Variants in SLC4A1AP observed in about 807,000 individuals in gnomAD.
The protein encoded by SLC4A1AP is solute carrier family 4 member 1 adaptor protein, also known as kanadaptin.
Under a neutral mutation model 89.7 loss-of-function variants are expected in SLC4A1AP, and 64 were observed. The ratio of observed to expected loss-of-function variants is 0.71; its 90% CI spans 0.58 to 0.88. SLC4A1AP has a LOEUF of 0.88. SLC4A1AP is among the 40% of genes least tolerant of loss of function. SLC4A1AP has a pLI of 0.00. For synonymous variants in SLC4A1AP, 366 were observed against 353.3 expected (o/e 1.04, Z -0.40); for missense variants, 931 against 965.0 (o/e 0.96, Z 0.47).
rs908167889 is a variant in SLC4A1AP at position 27,664,928 on chromosome 2, G to C, written c.826-172G>C. 4.6e-5 allele frequency among the ~76,000 whole-genome samples: 7 copies of C among 151,752 alleles called. No individual in the cohort carries two copies. The South Asian group carries it at 8.3e-4, about 18-fold the overall frequency. ...TAAAAAAAAAAAAAAAAATTAGCCAGGCATCATGGTCCCAGCTGCTCAGGA... is the reference window on the plus strand; with the variant it reads ...TAAAAAAAAAAAAAAAAATTAGCCACGCATCATGGTCCCAGCTGCTCAGGA... On this transcript the variant is annotated intron_variant, in intron 1 of 13. Coordinates refer to ENST00000613058, the Ensembl canonical transcript of SLC4A1AP.
chr2:27,664,287 G>C, exon 1 of SLC4A1AP: 3 of 1,614,208 alleles, frequency 1.9e-6, no homozygotes, highest in Non-Finnish European at 2.5e-6. Flanking sequence ...CACTATCCTT[G>C]GCACCCGTAG....
chr2:27,680,208 TTAA>T (rs1374010252), intron 8 of SLC4A1AP, among the ~76,000 whole-genome samples: 1 of 152,128 alleles, frequency 6.6e-6, no homozygotes, highest in Non-Finnish European at 1.5e-5. Context: ...TCGTTAAAAA[TTAA>T]TAATATTGAT....
intron 1 of SLC4A1AP, 82 bp downstream of exon 1, chr2:27,664,659 G>C: frequency 6.0e-5 from 64 of 1,059,766 alleles, no homozygotes; most frequent in Non-Finnish European, 7.8e-5. Flanking sequence ...TGAGGAAGAA[G>C]AATCTCCCAC....
At chr2:27,669,133 A>T in intron 4 of SLC4A1AP, 115 bp from the exon 5 acceptor site, 1 of 1,180,828 alleles carries the variant, frequency 8.5e-7, no homozygotes, top group South Asian at 1.5e-5. Context: ...AACAAGATGG[A>T]TTCAAAGACT....
intron 5 of SLC4A1AP, 132 bp from the exon 6 acceptor site, chr2:27,675,400 G>A (rs753391825): frequency 2.5e-5 from 13 of 530,332 alleles, no homozygotes; most frequent in African/African-American, 3.9e-5. Context: ...GTTTTTATAC[G>A]TAGTTTGGCA....
At chr2:27,669,966 C>T (rs1012146315) in intron 5 of SLC4A1AP, among the ~76,000 whole-genome samples, 14 of 152,182 alleles carry the variant, frequency 9.2e-5, no homozygotes, top group African/African-American at 2.4e-4. Flanking sequence ...CGGGTTCAAG[C>T]GATTCTCCTG....
chr2:27,693,905 T>C (rs1027922930), intron 13 of SLC4A1AP, 151 bp downstream of exon 13: 28 of 504,858 alleles, frequency 5.5e-5, no homozygotes, highest in Non-Finnish European at 9.1e-5. Flanking sequence ...AACAAACAAC[T>C]GTTTAAAAAA....
At chr2:27,668,982 C>A in intron 4 of SLC4A1AP, 79 bp downstream of exon 4, 1 of 1,337,084 alleles carries the variant, frequency 7.5e-7, no homozygotes, top group Non-Finnish European at 1.1e-6. Flanking sequence ...GATAACAACC[C>A]AAAGAGTAAC....
intron 8 of SLC4A1AP, among the ~76,000 whole-genome samples, chr2:27,678,578 TAGAC>T: frequency 6.6e-6 from 1 of 152,012 alleles, no homozygotes; most frequent in East Asian, 1.9e-4. Flanking sequence ...GAATGATAAG[TAGAC>T]AGCCAACCAC....
intron 12 of SLC4A1AP, among the ~76,000 whole-genome samples, chr2:27,691,014 T>A (rs1221507273): frequency 6.6e-6 from 1 of 152,102 alleles, no homozygotes; most frequent in Non-Finnish European, 1.5e-5. Context: ...TTTTGTTATG[T>A]CCTTTCCTAG....
chr2:27,684,382 C>T (rs1301841381), intron 9 of SLC4A1AP, among the ~76,000 whole-genome samples: 2 of 150,152 alleles, frequency 1.3e-5, no homozygotes, highest in East Asian at 3.9e-4. Flanking sequence ...GAGCTGAGAT[C>T]GCACCACTGC....
At chr2:27,687,239 G>A (rs537318913) in intron 10 of SLC4A1AP, among the ~76,000 whole-genome samples, 126 of 152,066 alleles carry the variant, frequency 8.3e-4, no homozygotes, top group African/African-American at 3.0e-3. Context: ...ACTCTCAATT[G>A]TTGAACATGT....
chr2:27,671,491 T>C lies in SLC4A1AP; in HGVS notation c.1345+2104T>C, dbSNP rs1329055806. Among the ~76,000 whole-genome samples, 3 of 152,220 alleles carry C rather than the reference T, an allele frequency of 2.0e-5. No individual in the cohort carries two copies. The East Asian group carries it at 5.8e-4, about 29-fold the overall frequency. On this transcript the variant is annotated intron_variant, in intron 5 of 13. Coordinates refer to ENST00000613058, the Ensembl canonical transcript of SLC4A1AP. ...AGCCTCACCACATCAAACAACTTAA[T>C]GATTAAGTAATTTATCAGTTCTGAT...
intron 8 of SLC4A1AP, among the ~76,000 whole-genome samples, 197 bp downstream of exon 8, chr2:27,678,121 A>G (rs1675554659): frequency 6.6e-6 from 1 of 152,156 alleles, no homozygotes; most frequent in Non-Finnish European, 1.5e-5. Context: ...CTGATAGAGG[A>G]TTTTCTGAGA....
rs151028586 is a variant in SLC4A1AP at position 27,684,761 on chromosome 2, C to T, written c.1876-276C>T. Among the ~76,000 whole-genome samples, 74 of 152,254 alleles carry T rather than the reference C, an allele frequency of 4.9e-4. 1 individual carries two copies. The East Asian group carries it at 0.012, about 25-fold the overall frequency. ...AACAGTCCAGAATTCCTGTAGCTGG[C>T]ACTCATCTGAAATAACTATTTTAGT... On this transcript the variant is annotated intron_variant, in intron 9 of 13. Coordinates refer to ENST00000613058, the Ensembl canonical transcript of SLC4A1AP.
At chr2:27,685,422 T>C (rs1321519600) in intron 10 of SLC4A1AP, 145 bp downstream of exon 10, 4 of 1,119,478 alleles carry the variant, frequency 3.6e-6, no homozygotes, top group Non-Finnish European at 4.9e-6. Context: ...ACATACTTTC[T>C]TGGTCTTCTT....
At chr2:27,689,981 C>T (rs1675763741) in intron 12 of SLC4A1AP, among the ~76,000 whole-genome samples, 2 of 152,134 alleles carry the variant, frequency 1.3e-5, no homozygotes, top group Non-Finnish European at 2.9e-5. Context: ...TCATGTAACT[C>T]ACTGGCTGAA....
chr2:27,678,026 T>G (rs1675553214), intron 8 of SLC4A1AP, 102 bp downstream of exon 8: 1 of 781,860 alleles, frequency 1.3e-6, no homozygotes, highest in South Asian at 2.5e-5. Context: ...ATAATACAAA[T>G]GTAATGCAAG....
At chr2:27,693,736 G>A (rs1441815327) in exon 13 of SLC4A1AP, 1 of 1,612,374 alleles carries the variant, frequency 6.2e-7, no homozygotes, top group East Asian at 2.2e-5. Context: ...AGACTACTGT[G>A]TGTGGGTCCC....
Sources: gnomAD v4.1 joint callset for allele counts (sites outside exome capture counted in the v4.1 genomes callset) on GRCh38, gnomAD v4.1.1 for gene constraint, MANE v1.5 for transcripts, NCBI Gene and HGNC (gene_info 2026-07-23, HGNC 2026-07-21) for gene names.